The following AUTS2 variants were observed in gnomAD, a reference collection of about 807,000 sequenced individuals.
AUTS2 encodes the protein autism susceptibility gene 2 protein.
A neutral mutation model predicts 112.4 loss-of-function variants in AUTS2; 17 were observed. That is an observed-to-expected ratio of 0.15 (90% confidence interval 0.10 to 0.23). The LOEUF (loss-of-function observed/expected upper bound fraction) is 0.23. Among genes scored for constraint, AUTS2 ranks in the 10% least tolerant of loss-of-function variants. The pLI, the probability that AUTS2 is intolerant of heterozygous loss-of-function variation, is 1.00. For synonymous variants in AUTS2, 751 were observed against 702.7 expected (o/e 1.07, Z -1.09); for missense variants, 1,510 against 1,701.6 (o/e 0.89, Z 1.98).
At chr7:70,667,974 C>G (rs1312215932) in intron 5 of AUTS2, among the ~76,000 whole-genome samples, 1 of 152,208 alleles carries the variant, frequency 6.6e-6, no homozygotes, top group African/African-American at 2.4e-5. Flanking sequence ...TCTGCCTGAG[C>G]AGGTCCAGGG....
At chr7:70,046,924 T>G (rs1372321768) in intron 2 of AUTS2, among the ~76,000 whole-genome samples, 1 of 152,204 alleles carries the variant, frequency 6.6e-6, no homozygotes, top group African/African-American at 2.4e-5. Context: ...AACCCAAGTT[T>G]AATAAGTCAT....
At chr7:70,668,551 C>T (rs1465778735) in intron 5 of AUTS2, among the ~76,000 whole-genome samples, 1 of 152,190 alleles carries the variant, frequency 6.6e-6, no homozygotes, top group South Asian at 2.1e-4. Flanking sequence ...TACTGGACCT[C>T]GTTTGTCATG....
At chr7:70,187,915 A>C (rs1368314587) in intron 4 of AUTS2, among the ~76,000 whole-genome samples, 3 of 152,124 alleles carry the variant, frequency 2.0e-5, no homozygotes, top group African/African-American at 4.8e-5. Context: ...CTGTTGGGCA[A>C]TCGTTGCCTC....
At chr7:69,940,524 A>C (rs561422962) in intron 2 of AUTS2, among the ~76,000 whole-genome samples, 1 of 152,248 alleles carries the variant, frequency 6.6e-6, no homozygotes, top group South Asian at 2.1e-4. Flanking sequence ...TGTGTCATGG[A>C]GTGATGCCAC....
chr7:70,380,930 C>T (rs996304495), intron 4 of AUTS2, among the ~76,000 whole-genome samples: 16 of 152,154 alleles, frequency 1.1e-4, no homozygotes, highest in African/African-American at 2.2e-4. Flanking sequence ...GGCTAAAAAA[C>T]GAATTAAGTA....
intron 4 of AUTS2, among the ~76,000 whole-genome samples, chr7:70,162,014 G>A (rs192641978): frequency 6.6e-6 from 1 of 152,088 alleles, no homozygotes; most frequent in Non-Finnish European, 1.5e-5. Flanking sequence ...TTGAGTGAAG[G>A]ATTAACGGCC....
intron 2 of AUTS2, among the ~76,000 whole-genome samples, chr7:69,914,342 GACACACAC>G (rs372734634): frequency 3.5e-5 from 3 of 85,596 alleles, no homozygotes; most frequent in Non-Finnish European, 4.7e-5. Context: ...CACAGACACA[GACACACAC>G]ACACAGACAC....
At chr7:70,580,088 C>T (rs188388351) in intron 5 of AUTS2, among the ~76,000 whole-genome samples, 163 of 152,246 alleles carry the variant, frequency 1.1e-3, no homozygotes, top group Non-Finnish European at 1.7e-3. Flanking sequence ...TCGAACGTAA[C>T]CAGCACTGAC....
intron 6 of AUTS2, among the ~76,000 whole-genome samples, chr7:70,734,158 G>C (rs1366246122): frequency 6.6e-6 from 1 of 152,026 alleles, no homozygotes; most frequent in Non-Finnish European, 1.5e-5. Context: ...TGAAAACCCT[G>C]GTCGGGTGTG....
chr7:70,169,565 A>C (rs1423025809), intron 4 of AUTS2, among the ~76,000 whole-genome samples: 1 of 152,180 alleles, frequency 6.6e-6, no homozygotes, highest in Admixed American at 6.5e-5. Flanking sequence ...AACAATTGTG[A>C]CCATGATATT....
At chr7:69,988,777 T>G (rs1007272463) in intron 2 of AUTS2, among the ~76,000 whole-genome samples, 2 of 152,186 alleles carry the variant, frequency 1.3e-5, no homozygotes, top group African/African-American at 4.8e-5. Flanking sequence ...ACTGAAAAAT[T>G]AGACACTGGC....
In AUTS2 at chr7:70,608,942, CATTT is replaced by C. The variant is rs1803926848; in HGVS notation, c.691-89618_691-89615del. Among the ~76,000 whole-genome samples, 3 of 152,232 alleles carry C rather than the reference CATTT, an allele frequency of 2.0e-5. No homozygotes were observed. The South Asian group carries it at 6.2e-4, about 32-fold the overall frequency. ...GTTATTTTTAAAATTTAAATACATT[CATTT>C]ATTTATTTTAATTGATGTATAAAAA... On this transcript the variant is annotated intron_variant, in intron 5 of 18. Transcript: ENST00000342771.
At chr7:69,868,621 C>T in intron 1 of AUTS2, among the ~76,000 whole-genome samples, 1 of 152,174 alleles carries the variant, frequency 6.6e-6, no homozygotes, top group East Asian at 1.9e-4. Context: ...ATATTTGTTC[C>T]ATGCTTTGCT....
intron 2 of AUTS2, among the ~76,000 whole-genome samples, chr7:69,925,506 A>C (rs1366376179): frequency 6.6e-6 from 1 of 152,146 alleles, no homozygotes; most frequent in Non-Finnish European, 1.5e-5. Flanking sequence ...AAACACTCCA[A>C]ATATTTTAGG....
intron 4 of AUTS2, among the ~76,000 whole-genome samples, chr7:70,146,006 T>C (rs1807104339): frequency 6.6e-6 from 1 of 152,142 alleles, no homozygotes; most frequent in African/African-American, 2.4e-5. Flanking sequence ...AAATCACTTG[T>C]TATTTATCTC....
intron 2 of AUTS2, among the ~76,000 whole-genome samples, chr7:70,023,961 C>T (rs1372698796): frequency 2.0e-5 from 3 of 152,138 alleles, no homozygotes; most frequent in Non-Finnish European, 4.4e-5. Flanking sequence ...TTATAAACTG[C>T]TTGGAGGCAA....
chr7:70,029,280 T>A (rs922593927), intron 2 of AUTS2, among the ~76,000 whole-genome samples: 58 of 141,356 alleles, frequency 4.1e-4, no homozygotes, highest in Admixed American at 7.8e-4. Context: ...TTTTTTTTTT[T>A]AATATTCTCC....
rs962721674 is a variant in AUTS2, at chr7:70,134,470, G to T, written c.625-66G>T. 8 of 1,388,708 alleles carry T rather than the reference G, an allele frequency of 5.8e-6. No homozygotes were observed. In the Admixed American group the frequency reaches 1.0e-4, roughly 17 times the overall value. The allele number at this position is 1,388,708 out of a possible 1,614,324, so 86.0% of individuals were successfully genotyped here. A position where few individuals can be genotyped will look rare whatever the true frequency, so the allele number is the denominator to read the frequency against. On this transcript the variant is annotated intron_variant, in intron 3 of 18. Coordinates refer to ENST00000342771, the MANE Select transcript of AUTS2 (RefSeq NM_015570.4). ...GCCTGCAAAGGGCTGGTAATGAGCT[G>T]TGTGGATTGGAACGTGTTAAAAACC...
In AUTS2 at chr7:69,759,498, C is replaced by G. The variant is rs77696390; in HGVS notation, c.310-139788C>G. Among the ~76,000 whole-genome samples the G allele has an allele frequency of 8.1e-3, 1,230 of 152,136 alleles. 8 individuals carry two copies. The highest frequency in any genetic ancestry group is 0.013 in the Non-Finnish European group (881 of 68,008). On this transcript the variant is annotated intron_variant, in intron 1 of 18. Transcript: ENST00000342771. ...ATCATAAAAGTTTCAGATTTTGGAG[C>G]ATTTCAGACTTCAGATTTTCGGATT... is the stretch of plus-strand genomic sequence containing the variant.
Sources: gnomAD v4.1 joint callset for allele counts (sites outside exome capture counted in the v4.1 genomes callset) on GRCh38, gnomAD v4.1.1 for gene constraint, MANE v1.5 for transcripts, NCBI Gene and HGNC (gene_info 2026-07-23, HGNC 2026-07-21) for gene names.